TBC1D9: variants seen among roughly 807,000 people sequenced by gnomAD.
TBC1D9 encodes the protein TBC1 domain family member 9A.
In TBC1D9, 63 loss-of-function variants were observed where a neutral mutation model predicts 132.0. The observed-to-expected ratio is 0.48, with a 90% CI of 0.39 to 0.59. The LOEUF (loss-of-function observed/expected upper bound fraction) is 0.59, where lower values mean the gene tolerates loss of function less well. TBC1D9 is among the 20% of genes least tolerant of loss of function. The pLI is 0.00. For missense variants in TBC1D9, 1,261 were observed against 1,592.7 expected (o/e 0.79, Z 3.54); for synonymous variants, 610 against 609.9 (o/e 1.00, Z 0.00).
intron 13 of TBC1D9, among the ~76,000 whole-genome samples, chr4:140,648,454 C>T (rs922387306): frequency 1.3e-5 from 2 of 148,958 alleles, no homozygotes; most frequent in South Asian, 2.1e-4. Context: ...GGCATGATCA[C>T]GGCTCACTGC....
At chr4:140,680,682 G>T (rs1240936123) in intron 3 of TBC1D9, among the ~76,000 whole-genome samples, 1 of 152,044 alleles carries the variant, frequency 6.6e-6, no homozygotes, top group Non-Finnish European at 1.5e-5. Context: ...TTAGATTCGT[G>T]CTCCCACCGC....
chr4:140,667,166 C>A (rs777622324), intron 9 of TBC1D9, among the ~76,000 whole-genome samples: 2 of 152,188 alleles, frequency 1.3e-5, no homozygotes, highest in East Asian at 3.9e-4. Context: ...GATAGGCTGG[C>A]CTTCAGGCGA....
chr4:140,642,372 C>T, intron 13 of TBC1D9: 1 of 844,208 alleles, frequency 1.2e-6, no homozygotes, highest in Non-Finnish European at 2.0e-6. Flanking sequence ...TTTACCTTCT[C>T]TGGAAGATTT....
chr4:140,744,879 T>TAAA (rs34469042), intron 1 of TBC1D9, among the ~76,000 whole-genome samples: 26 of 107,506 alleles, frequency 2.4e-4, no homozygotes, highest in Non-Finnish European at 3.4e-4. Context: ...CAAGAGTGTT[T>TAAA]AAAAAAAAAA....
chr4:140,728,417 G>A (rs991463384), intron 1 of TBC1D9, among the ~76,000 whole-genome samples: 1 of 147,562 alleles, frequency 6.8e-6, no homozygotes, highest in Non-Finnish European at 1.5e-5. Context: ...AAAAAAAAAA[G>A]TAACAGTTTT....
rs199982926 is a variant in TBC1D9, at chr4:140,756,071, A to C, written c.-26T>G. ...GGTCCTGGCTGCCGCGGGCGGGCGCACAATGGGCCCGTGGGTCCAGTCCTG... is the reference window on the plus strand; with the variant it reads ...GGTCCTGGCTGCCGCGGGCGGGCGCCCAATGGGCCCGTGGGTCCAGTCCTG... On this transcript the variant is annotated 5_prime_UTR_variant, in exon 1 of 21. Transcript: ENST00000442267. The surrounding 1 kb of genome is among the most constrained non-coding windows in gnomAD (Gnocchi z 5.6). The C allele has an allele frequency of 2.1e-5, 33 of 1,598,796 alleles. No homozygotes were observed. The Middle Eastern group carries it at 5.0e-4, about 24-fold the overall frequency.
intron 15 of TBC1D9, among the ~76,000 whole-genome samples, chr4:140,636,743 T>C (rs1483759371): frequency 6.6e-6 from 1 of 152,116 alleles, no homozygotes; most frequent in Non-Finnish European, 1.5e-5. Context: ...AACTAACACA[T>C]AGTGATGACT....
chr4:140,640,129 G>A (rs1285449935), intron 13 of TBC1D9, among the ~76,000 whole-genome samples: 1 of 152,178 alleles, frequency 6.6e-6, no homozygotes, highest in African/African-American at 2.4e-5. Context: ...TCTGAGACAG[G>A]TCTCAATCAG....
intron 13 of TBC1D9, chr4:140,643,814 C>T (rs1737052404): frequency 6.5e-6 from 5 of 763,452 alleles, no homozygotes; most frequent in South Asian, 6.3e-5. Context: ...TGGCACTCAG[C>T]GCCTGGGCCT....
intron 1 of TBC1D9, among the ~76,000 whole-genome samples, chr4:140,710,185 A>G (rs934585688): frequency 6.6e-6 from 1 of 152,148 alleles, no homozygotes; most frequent in African/African-American, 2.4e-5. Flanking sequence ...CATAAAACTC[A>G]ACATATGTGA....
At chr4:140,723,361 G>A (rs923736644) in intron 1 of TBC1D9, among the ~76,000 whole-genome samples, 2 of 152,128 alleles carry the variant, frequency 1.3e-5, no homozygotes, top group Non-Finnish European at 2.9e-5. Context: ...CTTGAGACAT[G>A]GTCTCACTCT....
chr4:140,643,629 G>A (rs1286255293), intron 13 of TBC1D9: 10 of 1,009,238 alleles, frequency 9.9e-6, no homozygotes, highest in South Asian at 1.6e-5. Flanking sequence ...CGCAGGAACC[G>A]CCACAGGCAC....
chr4:140,677,862 T>C (rs1737649063), intron 5 of TBC1D9, among the ~76,000 whole-genome samples: 1 of 152,160 alleles, frequency 6.6e-6, no homozygotes, highest in African/African-American at 2.4e-5. Flanking sequence ...CACACAAGCA[T>C]CCTTTCCATG....
chr4:140,717,966 A>G (rs1270361017), intron 1 of TBC1D9, among the ~76,000 whole-genome samples: 1 of 152,120 alleles, frequency 6.6e-6, no homozygotes, highest in Non-Finnish European at 1.5e-5. Flanking sequence ...AAACACTATC[A>G]TTTTCTAAGT....
In TBC1D9 at chr4:140,622,119, GA is replaced by G; in HGVS notation, c.*75del. On this transcript the variant is annotated 3_prime_UTR_variant, in exon 21 of 21. Transcript: ENST00000442267. Reference sequence around the variant, plus strand: ...AAATATTTAATTTAAAAGAAAGAAAGAAAAAACTCAACACAGAAGAACATAA... The same window carrying G: ...AAATATTTAATTTAAAAGAAAGAAAGAAAAACTCAACACAGAAGAACATAA... 6.7e-7 allele frequency: 1 copy of G among 1,484,498 alleles called. No homozygotes were observed. The highest frequency in any genetic ancestry group is 9.0e-7 in the Non-Finnish European group (1 of 1,116,414). 92.0% of individuals were successfully genotyped at this position (1,484,498 alleles called of 1,614,324 possible).
At chr4:140,712,717 C>T (rs1578852071) in intron 1 of TBC1D9, among the ~76,000 whole-genome samples, 1 of 149,960 alleles carries the variant, frequency 6.7e-6, no homozygotes, top group African/African-American at 2.5e-5. Flanking sequence ...TACTCCAGCC[C>T]GGGCAAGAGA....
intron 13 of TBC1D9, among the ~76,000 whole-genome samples, chr4:140,641,117 G>C (rs1167916362): frequency 1.1e-5 from 1 of 88,708 alleles, no homozygotes; most frequent in Non-Finnish European, 2.4e-5. Context: ...AAAAAAAACA[G>C]AAGCAAAAGA....
chr4:140,726,552 C>T (rs1242059427), intron 1 of TBC1D9, among the ~76,000 whole-genome samples: 1 of 151,960 alleles, frequency 6.6e-6, no homozygotes, highest in Admixed American at 6.6e-5. Context: ...TAAATACACA[C>T]AAACATAAAA....
Position 140,622,078 on chromosome 4 carries a change from C to T in TBC1D9, c.*117G>A. 7.3e-7 allele frequency: 1 copy of T among 1,372,420 alleles called. No individual in the cohort carries two copies. The highest frequency in any genetic ancestry group is 9.6e-7 in the Non-Finnish European group (1 of 1,040,372). The allele number at this position is 1,372,420 out of a possible 1,614,324, so 85.0% of individuals were successfully genotyped here. ...ATTACATTATGAAAACACTAGGCTTCAAGCCAGGTACTAATAAATATTTAA... is the reference window on the plus strand; with the variant it reads ...ATTACATTATGAAAACACTAGGCTTTAAGCCAGGTACTAATAAATATTTAA... On this transcript the variant is annotated 3_prime_UTR_variant, in exon 21 of 21. Transcript: ENST00000442267.
Sources: gnomAD v4.1 joint callset for allele counts (sites outside exome capture counted in the v4.1 genomes callset) on GRCh38, gnomAD v4.1.1 for gene constraint, Gnocchi (gnomAD v3.1) non-coding constraint, MANE v1.5 for transcripts, NCBI Gene and HGNC (gene_info 2026-07-23, HGNC 2026-07-21) for gene names.